Variants in NTN1 observed in about 807,000 individuals in gnomAD.
NTN1 encodes the protein netrin-1.
NTN1 carries 11 observed loss-of-function variants against 54.2 expected under a neutral mutation model. The observed-to-expected ratio is 0.20, with a 90% confidence interval of 0.13 to 0.34. The LOEUF is 0.34. Ranked by LOEUF, NTN1 falls within the 10% of genes least tolerant of loss-of-function variation. The pLI, the probability that NTN1 is intolerant of heterozygous loss-of-function variation, is 1.00. For missense variants in NTN1, 740 were observed against 893.1 expected (o/e 0.83, Z 2.18); for synonymous variants, 371 against 382.0 (o/e 0.97, Z 0.33).
intron 2 of NTN1, among the ~76,000 whole-genome samples, chr17:9,095,597 A>G (rs1277171162): frequency 6.6e-6 from 1 of 152,148 alleles, no homozygotes; most frequent in East Asian, 1.9e-4. Context: ...CCAGTGCCAC[A>G]CTGTTTTAAT....
intron 2 of NTN1, among the ~76,000 whole-genome samples, chr17:9,092,229 C>A (rs7207041): frequency 0.089 from 13,530 of 151,830 alleles, 700 homozygotes; most frequent in Non-Finnish European, 0.11. Flanking sequence ...CCATGGTTCA[C>A]CCAAGTTGTG....
intron 2 of NTN1, among the ~76,000 whole-genome samples, chr17:9,064,698 G>A (rs1023181818): frequency 6.6e-6 from 1 of 152,102 alleles, no homozygotes; most frequent in African/African-American, 2.4e-5. Flanking sequence ...GGATGGCTCT[G>A]GTAGTTCCTT....
chr17:9,232,949 G>A (rs919746631), intron 6 of NTN1, among the ~76,000 whole-genome samples: 5 of 152,218 alleles, frequency 3.3e-5, no homozygotes, highest in East Asian at 1.9e-4. Context: ...GGGGCTGTGC[G>A]GCTTTCATGG....
intron 6 of NTN1, among the ~76,000 whole-genome samples, chr17:9,225,457 G>A (rs1004163180): frequency 6.6e-6 from 1 of 152,156 alleles, no homozygotes; most frequent in Non-Finnish European, 1.5e-5. Context: ...CCCCACAGGG[G>A]CTGGCGGGGG....
At chr17:9,109,664 A>G (rs1259061130) in intron 2 of NTN1, among the ~76,000 whole-genome samples, 1 of 152,206 alleles carries the variant, frequency 6.6e-6, no homozygotes, top group African/African-American at 2.4e-5. Flanking sequence ...TAAATTGGTC[A>G]TTTCCAGCTT....
chr17:9,031,350 G>A (rs8065855), intron 2 of NTN1, among the ~76,000 whole-genome samples: 21,590 of 152,116 alleles, frequency 0.14, 1,721 homozygotes, highest in Non-Finnish European at 0.18. Context: ...TGGGGCGGCC[G>A]TGGTGAGTAC....
At chr17:9,072,880 C>A (rs1379453242) in intron 2 of NTN1, among the ~76,000 whole-genome samples, 1 of 152,200 alleles carries the variant, frequency 6.6e-6, no homozygotes, top group Non-Finnish European at 1.5e-5. Flanking sequence ...CTGTGATTTT[C>A]TTTTTCCTCT....
intron 5 of NTN1, among the ~76,000 whole-genome samples, chr17:9,215,408 G>C (rs572514003): frequency 1.3e-5 from 2 of 152,194 alleles, no homozygotes; most frequent in Admixed American, 1.3e-4. Context: ...TATGTTTACT[G>C]GTTTCAGTTT....
intron 2 of NTN1, among the ~76,000 whole-genome samples, chr17:9,098,333 C>T (rs535109415): frequency 2.6e-5 from 4 of 152,344 alleles, no homozygotes; most frequent in Admixed American, 1.3e-4. Context: ...GTGCCTGCAG[C>T]CAGGTGTCCT....
At chr17:9,170,781 C>T (rs2092385167) in intron 3 of NTN1, among the ~76,000 whole-genome samples, 1 of 152,094 alleles carries the variant, frequency 6.6e-6, no homozygotes, top group Non-Finnish European at 1.5e-5. Context: ...GCTGCCTCAC[C>T]TGTGGCACAG....
At chr17:9,065,170 C>T (rs2142210764) in intron 2 of NTN1, among the ~76,000 whole-genome samples, 1 of 152,292 alleles carries the variant, frequency 6.6e-6, no homozygotes, top group South Asian at 2.1e-4. Flanking sequence ...CTCCTGACCT[C>T]AGGTGATCTG....
At chr17:9,149,362 G>A (rs754942891) in intron 2 of NTN1, among the ~76,000 whole-genome samples, 1 of 151,170 alleles carries the variant, frequency 6.6e-6, no homozygotes, top group Non-Finnish European at 1.5e-5. Flanking sequence ...GGCAACAAAA[G>A]CTTCCGGGAG....
chr17:9,120,862 A>G (rs1479754335), intron 2 of NTN1, among the ~76,000 whole-genome samples: 5 of 152,066 alleles, frequency 3.3e-5, no homozygotes, highest in Middle Eastern at 3.4e-3. Flanking sequence ...TCTCCTTTCC[A>G]TTTTCTTTTT....
intron 6 of NTN1, among the ~76,000 whole-genome samples, chr17:9,234,357 G>A (rs1905909630): frequency 6.6e-6 from 1 of 152,236 alleles, no homozygotes; most frequent in African/African-American, 2.4e-5. Context: ...GGAAAGGAGG[G>A]TTTACTGCAC....
intron 3 of NTN1, chr17:9,174,914 C>CT (rs1383313799): frequency 1.3e-5 from 2 of 152,842 alleles, no homozygotes; most frequent in East Asian, 3.8e-4. Context: ...TCTGTCTCCC[C>CT]TGTCCTACCT....
Position 9,138,427 on chromosome 17 carries a change from T to C in NTN1, c.1019-24386T>C, listed in dbSNP as rs558332945. Among the ~76,000 whole-genome samples, 7 of 152,134 alleles carry C rather than the reference T, an allele frequency of 4.6e-5. No individual in the cohort carries two copies. In the South Asian group the frequency reaches 8.3e-4, roughly 18 times the overall value. ...TGGAAGGAGGACAACAATGTGCTAC[T>C]TCCAGGGGGTAGGTGTCCTGCAGGG... is the stretch of plus-strand genomic sequence containing the variant. On this transcript the variant is annotated intron_variant, in intron 2 of 6. Coordinates refer to ENST00000173229, the MANE Select transcript of NTN1 (RefSeq NM_004822.3).
At chr17:9,096,636 G>A (rs570786404) in intron 2 of NTN1, among the ~76,000 whole-genome samples, 1 of 152,252 alleles carries the variant, frequency 6.6e-6, no homozygotes, top group Admixed American at 6.5e-5. Flanking sequence ...TTCCCAAAGT[G>A]CTGGGATTAC....
rs566659215 is a variant in NTN1 at position 9,144,432 on chromosome 17, C to G, written c.1019-18381C>G. On this transcript the variant is annotated intron_variant, in intron 2 of 6. Coordinates refer to ENST00000173229, the MANE Select transcript of NTN1 (RefSeq NM_004822.3). ...TGAGGCATAGAGGTGATCAAACACA[C>G]CCAAGGTCAAGTGCACAGTGCTAGC... 1.6e-4 allele frequency among the ~76,000 whole-genome samples: 24 copies of G among 152,288 alleles called. 1 individual carries two copies. The South Asian group carries it at 5.0e-3, about 32-fold the overall frequency.
In NTN1 at chr17:9,058,637, C is replaced by CAAAAAAAAAAAAAAAAAAAA. The variant is rs3053457; in HGVS notation, c.1018+35254_1018+35273dup. On this transcript the variant is annotated intron_variant, in intron 2 of 6. Transcript: ENST00000173229. ...AGATCCTTGGCCCATGGTAGGCACT[C>CAAAAAAAAAAAAAAAAAAAA]AAAAAAAAAAAAAAAAAAAAAAAAA... Among the ~76,000 whole-genome samples, 36 of 58,896 alleles carry CAAAAAAAAAAAAAAAAAAAA rather than the reference C, an allele frequency of 6.1e-4. 1 individual carries two copies. The highest frequency in any genetic ancestry group is 1.2e-3 in the East Asian group (2 of 1,650). 38.6% of individuals were successfully genotyped at this position (58,896 alleles called of 152,430 possible). A position where few individuals can be genotyped will look rare whatever the true frequency, so the allele number is the denominator to read the frequency against.
Sources: allele counts gnomAD v4.1 joint callset (sites outside exome capture counted in the v4.1 genomes callset), GRCh38; gene constraint gnomAD v4.1.1; transcripts MANE v1.5; gene names NCBI Gene and HGNC (gene_info 2026-07-23, HGNC 2026-07-21).